NKAIN3: variants seen among roughly 807,000 people sequenced by gnomAD.
NKAIN3 encodes sodium/potassium transporting ATPase interacting 3, also known as sodium/potassium-transporting ATPase subunit beta-1-interacting protein 3.
In NKAIN3, 25 loss-of-function variants were observed where a neutral mutation model predicts 30.2. That is an observed-to-expected ratio of 0.83 (90% CI 0.60 to 1.16). The LOEUF (loss-of-function observed/expected upper bound fraction) is 1.16. NKAIN3 is among the 50% of genes most tolerant of loss of function. The probability of loss-of-function intolerance (pLI) is 0.00; values close to 1 mark genes in which losing one functional copy is unlikely to be tolerated. For missense variants in NKAIN3, 225 were observed against 254.1 expected (o/e 0.89, Z 0.78); for synonymous variants, 91 against 89.6 (o/e 1.02, Z -0.09).
At chr8:62,562,275 T>C (rs1438808485) in intron 1 of NKAIN3, among the ~76,000 whole-genome samples, 2 of 152,120 alleles carry the variant, frequency 1.3e-5, no homozygotes, top group African/African-American at 4.8e-5. Flanking sequence ...TGAAAAGAAA[T>C]GAGTGTCCCT....
chr8:62,606,863 T>C (rs1197662923), intron 3 of NKAIN3, among the ~76,000 whole-genome samples: 4 of 152,170 alleles, frequency 2.6e-5, no homozygotes, highest in South Asian at 2.1e-4. Flanking sequence ...GCAGTGATTG[T>C]GTAGTGAGCT....
chr8:62,420,840 A>T (rs1382058899), intron 1 of NKAIN3, among the ~76,000 whole-genome samples: 1 of 152,234 alleles, frequency 6.6e-6, no homozygotes, highest in East Asian at 1.9e-4. Flanking sequence ...ATTTAATTGT[A>T]GTATGATTCT....
At chr8:62,920,400 G>A (rs888893857) in intron 5 of NKAIN3, among the ~76,000 whole-genome samples, 4 of 152,196 alleles carry the variant, frequency 2.6e-5, no homozygotes, top group East Asian at 1.9e-4. Context: ...GTCTTATTAT[G>A]TAGTGCAATA....
chr8:62,666,984 C>A (rs1021717106), intron 3 of NKAIN3, among the ~76,000 whole-genome samples: 1 of 152,050 alleles, frequency 6.6e-6, no homozygotes, highest in Non-Finnish European at 1.5e-5. Context: ...AAAAATTTAA[C>A]TCCTATCAAA....
intron 3 of NKAIN3, among the ~76,000 whole-genome samples, chr8:62,627,288 C>T (rs926405861): frequency 3.3e-5 from 5 of 152,108 alleles, no homozygotes; most frequent in East Asian, 1.9e-4. Context: ...GTGCCCTGTG[C>T]AAATGCTACC....
At chr8:62,321,753 C>G (rs1352346884) in intron 1 of NKAIN3, among the ~76,000 whole-genome samples, 1 of 152,136 alleles carries the variant, frequency 6.6e-6, no homozygotes, top group Non-Finnish European at 1.5e-5. Flanking sequence ...GGGGGTGCCT[C>G]CCAGTTAGGC....
intron 1 of NKAIN3, among the ~76,000 whole-genome samples, chr8:62,274,510 A>G (rs1375186354): frequency 6.6e-6 from 1 of 151,636 alleles, no homozygotes; most frequent in African/African-American, 2.4e-5. Flanking sequence ...CATTTTCTTG[A>G]TTTTTTTTCT....
At chr8:62,438,080 C>A (rs1467758943) in intron 1 of NKAIN3, among the ~76,000 whole-genome samples, 1 of 152,140 alleles carries the variant, frequency 6.6e-6, no homozygotes, top group East Asian at 1.9e-4. Flanking sequence ...TACTGTGGGT[C>A]CCATGAGCAA....
chr8:62,513,885 A>G (rs75586779), intron 1 of NKAIN3, among the ~76,000 whole-genome samples: 1 of 127,036 alleles, frequency 7.9e-6, no homozygotes, highest in African/African-American at 2.9e-5. Context: ...AAAAAAAAAA[A>G]GCATAAAAGC....
At chr8:62,986,701 G>A (rs1411318165), downstream of NKAIN3, among the ~76,000 whole-genome samples, 2 of 151,758 alleles carry the variant, frequency 1.3e-5, no homozygotes, top group Non-Finnish European at 2.9e-5. Context: ...ATTTATTATG[G>A]TACTCTTTAT....
intron 5 of NKAIN3, among the ~76,000 whole-genome samples, chr8:62,939,464 A>G (rs1198483146): frequency 1.3e-5 from 2 of 152,216 alleles, no homozygotes; most frequent in East Asian, 3.8e-4. Context: ...ACGTTATCTA[A>G]AGTCAACACA....
chr8:62,947,936 G>A (rs929400907), intron 5 of NKAIN3, among the ~76,000 whole-genome samples: 8 of 152,216 alleles, frequency 5.3e-5, no homozygotes, highest in Admixed American at 2.6e-4. Flanking sequence ...CTGCTCAGAC[G>A]TGCCAATACA....
intron 1 of NKAIN3, among the ~76,000 whole-genome samples, chr8:62,256,584 G>A (rs1288458549): frequency 6.6e-6 from 1 of 152,174 alleles, no homozygotes; most frequent in Non-Finnish European, 1.5e-5. Context: ...GAATAGGTCA[G>A]TCACTGAGAC....
intron 1 of NKAIN3, among the ~76,000 whole-genome samples, chr8:62,374,611 A>C (rs1282535356): frequency 6.6e-6 from 1 of 152,234 alleles, no homozygotes; most frequent in African/African-American, 2.4e-5. Flanking sequence ...TGATACAGTC[A>C]ATTCTCATGG....
intron 1 of NKAIN3, among the ~76,000 whole-genome samples, chr8:62,353,585 C>T (rs1020181103): frequency 6.6e-6 from 1 of 152,076 alleles, no homozygotes; most frequent in Non-Finnish European, 1.5e-5. Context: ...TAGATTATAG[C>T]CTCGCCTATT....
intron 3 of NKAIN3, among the ~76,000 whole-genome samples, chr8:62,700,322 A>G (rs1398763982): frequency 6.6e-6 from 1 of 152,208 alleles, no homozygotes; most frequent in Non-Finnish European, 1.5e-5. Context: ...AGAGGCAAAG[A>G]ACCTGAAGAC....
chr8:62,543,797 T>G (rs1808918369), intron 1 of NKAIN3, among the ~76,000 whole-genome samples: 1 of 152,240 alleles, frequency 6.6e-6, no homozygotes, highest in African/African-American at 2.4e-5. Context: ...CATACCATTT[T>G]AGATGTTTGG....
chr8:62,490,895 A>G (rs1403316057), intron 1 of NKAIN3, among the ~76,000 whole-genome samples: 1 of 152,190 alleles, frequency 6.6e-6, no homozygotes, highest in African/African-American at 2.4e-5. Flanking sequence ...ATATGAAATA[A>G]TAATAGTTCT....
chr8:62,559,550 A>G (rs1809504645), intron 1 of NKAIN3, among the ~76,000 whole-genome samples: 1 of 151,862 alleles, frequency 6.6e-6, no homozygotes, highest in Non-Finnish European at 1.5e-5. Context: ...CCATTTTAAT[A>G]TATCTATAGT....
Sources: gnomAD v4.1 joint callset for allele counts (sites outside exome capture counted in the v4.1 genomes callset) on GRCh38, gnomAD v4.1.1 for gene constraint, MANE v1.5 for transcripts, NCBI Gene and HGNC (gene_info 2026-07-23, HGNC 2026-07-21) for gene names.